The following INTS9 variants were observed in gnomAD, a reference collection of about 807,000 sequenced individuals.
INTS9 encodes the protein protein related to CPSF subunits of 74 kDa.
In INTS9, 55 loss-of-function variants were observed where a neutral mutation model predicts 79.7. That is an observed-to-expected ratio of 0.69 (90% CI 0.56 to 0.86). INTS9 has a LOEUF of 0.86. Among genes scored for constraint, INTS9 ranks in the 40% least tolerant of loss-of-function variants. The pLI, the probability that INTS9 is intolerant of heterozygous loss-of-function variation, is 0.00. For missense variants in INTS9, 721 were observed against 831.5 expected (o/e 0.87, Z 1.64); for synonymous variants, 319 against 325.2 (o/e 0.98, Z 0.20).
chr8:28,883,481 C>G (rs1379749753), intron 1 of INTS9, among the ~76,000 whole-genome samples: 2 of 152,160 alleles, frequency 1.3e-5, no homozygotes, highest in East Asian at 3.8e-4. Context: ...GCATCATTGG[C>G]AAGGGTGGGG....
At chr8:28,818,738 G>T (rs1260591623) in intron 6 of INTS9, among the ~76,000 whole-genome samples, 13 of 150,728 alleles carry the variant, frequency 8.6e-5, no homozygotes, top group African/African-American at 2.5e-4. Flanking sequence ...TACCAGTTCC[G>T]CCTTGTACCT....
chr8:28,783,817 T>C (rs1803434382), intron 11 of INTS9: 1 of 152,212 alleles, frequency 6.6e-6, no homozygotes. Flanking sequence ...AAATCATTAG[T>C]TGTCTCAGTT....
intron 6 of INTS9, among the ~76,000 whole-genome samples, chr8:28,814,490 G>A (rs1381499345): frequency 6.6e-6 from 1 of 152,040 alleles, no homozygotes; most frequent in Non-Finnish European, 1.5e-5. Context: ...AAAAAATATG[G>A]CAACTGAAAA....
intron 7 of INTS9, among the ~76,000 whole-genome samples, chr8:28,813,234 T>A (rs1321229058): frequency 6.6e-6 from 1 of 152,042 alleles, no homozygotes; most frequent in Non-Finnish European, 1.5e-5. Context: ...ATCTATAAAA[T>A]CTAATGTGAA....
At chr8:28,870,148 A>G (rs1221511292) in intron 1 of INTS9, among the ~76,000 whole-genome samples, 1 of 152,126 alleles carries the variant, frequency 6.6e-6, no homozygotes, top group Non-Finnish European at 1.5e-5. Flanking sequence ...GGAACTATAT[A>G]TGTGACTGTT....
At chr8:28,778,486 G>T (rs1379941352) in intron 12 of INTS9, among the ~76,000 whole-genome samples, 1 of 152,192 alleles carries the variant, frequency 6.6e-6, no homozygotes, top group Non-Finnish European at 1.5e-5. Context: ...TTAACGCCCA[G>T]GTGTGAGATG....
chr8:28,814,334 A>ACACACT (rs1554500237), intron 6 of INTS9, among the ~76,000 whole-genome samples: 18 of 139,192 alleles, frequency 1.3e-4, no homozygotes, highest in Middle Eastern at 3.4e-3. Context: ...ACACACACAC[A>ACACACT]CTCTCACACA....
chr8:28,781,742 A>G (rs560417357), intron 11 of INTS9, among the ~76,000 whole-genome samples: 87 of 152,320 alleles, frequency 5.7e-4, no homozygotes, highest in African/African-American at 2.0e-3. Context: ...AACTATACAG[A>G]TAGTAAAAGG....
rs550248794 is a variant in INTS9, at chr8:28,794,036, G to A, written c.857-49C>T. 5.9e-6 allele frequency: 8 copies of A among 1,356,590 alleles called. No individual in the cohort carries two copies. In the African/African-American group the frequency reaches 1.2e-4, roughly 21 times the overall value. 84.0% of individuals were successfully genotyped at this position (1,356,590 alleles called of 1,614,324 possible). A position where few individuals can be genotyped will look rare whatever the true frequency, so the allele number is the denominator to read the frequency against. On this transcript the variant is annotated intron_variant, in intron 9 of 16. Coordinates refer to ENST00000521022, the MANE Select transcript of INTS9 (RefSeq NM_018250.4). ...GAAAAAACATCATATCAAAAGGGCA[G>A]TGTTATAAAGATAAACTTGTAAAAT...
intron 1 of INTS9, among the ~76,000 whole-genome samples, chr8:28,883,676 G>A (rs1810016083): frequency 1.3e-5 from 2 of 152,170 alleles, no homozygotes. Context: ...ATGTAATACT[G>A]CTTGAATTGG....
At chr8:28,867,194 GGGTGGATCACTTGA>G (rs997588569) in intron 1 of INTS9, among the ~76,000 whole-genome samples, 4 of 152,120 alleles carry the variant, frequency 2.6e-5, no homozygotes, top group African/African-American at 4.8e-5. Context: ...AGGCCAAGGC[GGGTGGATCACTTGA>G]GGTCAGGAAT....
At chr8:28,808,028 T>C (rs531228091) in intron 8 of INTS9, among the ~76,000 whole-genome samples, 10 of 152,202 alleles carry the variant, frequency 6.6e-5, no homozygotes, top group South Asian at 4.1e-4. Context: ...TCATGCTCAG[T>C]AAAGGCTAGT....
intron 6 of INTS9, among the ~76,000 whole-genome samples, chr8:28,817,587 G>C (rs1329824057): frequency 6.6e-6 from 1 of 152,146 alleles, no homozygotes; most frequent in African/African-American, 2.4e-5. Flanking sequence ...GTCAGGTAGC[G>C]TGATGCCTCC....
At chr8:28,835,634 G>A (rs1236032792) in intron 5 of INTS9, among the ~76,000 whole-genome samples, 1 of 152,130 alleles carries the variant, frequency 6.6e-6, no homozygotes, top group African/African-American at 2.4e-5. Context: ...AGGCTGGCCT[G>A]TTTCTTGTCT....
At chr8:28,860,523 C>G (rs569078527) in intron 1 of INTS9, among the ~76,000 whole-genome samples, 1 of 151,138 alleles carries the variant, frequency 6.6e-6, no homozygotes, top group South Asian at 2.1e-4. Flanking sequence ...GTTGCTTAGG[C>G]TGGAGTGCAG....
chr8:28,844,169 T>G (rs1414913291), intron 4 of INTS9, among the ~76,000 whole-genome samples: 1 of 151,694 alleles, frequency 6.6e-6, no homozygotes, highest in Admixed American at 6.5e-5. Context: ...TACTGAATCT[T>G]AATGCTTGTT....
intron 6 of INTS9, among the ~76,000 whole-genome samples, chr8:28,826,022 A>G (rs1329705699): frequency 6.6e-6 from 1 of 152,226 alleles, no homozygotes; most frequent in Non-Finnish European, 1.5e-5. Flanking sequence ...AGCATTAAAC[A>G]TACAGCTACT....
At chr8:28,819,553 G>A (rs1222610894) in intron 6 of INTS9, among the ~76,000 whole-genome samples, 1 of 152,224 alleles carries the variant, frequency 6.6e-6, no homozygotes, top group East Asian at 1.9e-4. Flanking sequence ...TACATTTGCT[G>A]AGGAGAGCTT....
chr8:28,791,296 A>G (rs907064552), intron 10 of INTS9, among the ~76,000 whole-genome samples: 1 of 152,072 alleles, frequency 6.6e-6, no homozygotes, highest in South Asian at 2.1e-4. Context: ...GAATCCTCCA[A>G]TGAATCCCCC....
Sources: gnomAD v4.1 joint callset for allele counts (sites outside exome capture counted in the v4.1 genomes callset) on GRCh38, gnomAD v4.1.1 for gene constraint, MANE v1.5 for transcripts, NCBI Gene and HGNC (gene_info 2026-07-23, HGNC 2026-07-21) for gene names.